Variants in ATXN10 observed in about 807,000 individuals in gnomAD.
The protein encoded by ATXN10 is ataxin 10.
In ATXN10, 28 loss-of-function variants were observed where a neutral mutation model predicts 52.9. That is an observed-to-expected ratio of 0.53 (90% CI 0.39 to 0.73). The LOEUF is 0.73. Among genes scored for constraint, ATXN10 ranks in the 30% least tolerant of loss-of-function variants. ATXN10 has a pLI of 0.00. For missense variants in ATXN10, 565 were observed against 577.0 expected, an observed-to-expected ratio of 0.98 and a Z score of 0.21; for synonymous variants, 226 against 221.5, an observed-to-expected ratio of 1.02 and a Z score of -0.18.
In ATXN10 at chr22:45,826,843, A is replaced by G. The variant is rs534421882; in HGVS notation, c.1238-16148A>G. On this transcript the variant is annotated intron_variant, in intron 10 of 11. Coordinates refer to ENST00000252934, the MANE Select transcript of ATXN10 (RefSeq NM_013236.4). The surrounding 1 kb of genome is among the most constrained non-coding windows in gnomAD (Gnocchi z 5.0). ...CAGACAGTAACTTGATGCTATATGAAGAAATAAAGATCTCAATAGAGATAA... is the reference window on the plus strand; with the variant it reads ...CAGACAGTAACTTGATGCTATATGAGGAAATAAAGATCTCAATAGAGATAA... Among the ~76,000 whole-genome samples the G allele has an allele frequency of 2.6e-5, 4 of 152,368 alleles. No individual in the cohort carries two copies. The South Asian group carries it at 8.3e-4, about 32-fold the overall frequency.
chr22:45,740,823 G>C (rs910397856), intron 9 of ATXN10: 10 of 184,200 alleles, frequency 5.4e-5, no homozygotes, highest in Admixed American at 4.1e-4. Flanking sequence ...ACACACAGTA[G>C]ATATTTAATA....
At position 45,729,516 on chromosome 22, in the gene ATXN10, T is replaced by G; in HGVS notation, c.820T>G (p.Leu274Val). The change falls in exon 7 of 12, where the codon TTG becomes GTG. Residue 274 changes from leucine (L) to valine (V), a missense_variant. Coordinates refer to ENST00000252934, the MANE Select transcript of ATXN10 (RefSeq NM_013236.4). ...CCCTGTGTTTTTGCGGCATGCTGAG[T>G]TGATTGCAAGCACCTTTGTGGATCA... ...DIPVFLRHAELIASTFVDQCK... is the reference protein window; with the variant it reads ...DIPVFLRHAEVIASTFVDQCK... 1 of 1,614,130 alleles carries G rather than the reference T, an allele frequency of 6.2e-7. No homozygotes were observed. Among genetic ancestry groups the G allele is most frequent in the Non-Finnish European group, 8.5e-7 (1 of 1,180,024 alleles).
rs532159630 is a variant in ATXN10 at position 45,833,062 on chromosome 22, C to T, written c.1238-9929C>T. 3.3e-5 allele frequency among the ~76,000 whole-genome samples: 5 copies of T among 152,292 alleles called. No individual in the cohort carries two copies. Among genetic ancestry groups the T allele is most frequent in the African/African-American group, 9.6e-5 (4 of 41,562 alleles). On this transcript the variant is annotated intron_variant, in intron 10 of 11. Coordinates refer to ENST00000252934, the MANE Select transcript of ATXN10 (RefSeq NM_013236.4). The surrounding 1 kb of genome is among the most constrained non-coding windows in gnomAD (Gnocchi z 4.3). ...AGGACAAATTAGAATTAGAGATCTC[C>T]TTGTTGAAAGAAATCAATCAGACTG...
At chr22:45,810,119 T>C (rs1043712495) in intron 10 of ATXN10, among the ~76,000 whole-genome samples, 3 of 152,224 alleles carry the variant, frequency 2.0e-5, no homozygotes, top group African/African-American at 7.2e-5. Flanking sequence ...TTAGGATCTA[T>C]TTCTATTCTC....
At chr22:45,752,294 A>G (rs553807896) in intron 9 of ATXN10, among the ~76,000 whole-genome samples, 21 of 152,254 alleles carry the variant, frequency 1.4e-4, no homozygotes, top group Non-Finnish European at 2.5e-4. Flanking sequence ...AAAGAAGGAG[A>G]CAGATGTAGA....
chr22:45,718,637 T>C lies in ATXN10; in HGVS notation c.728+144T>C. ...TGTGTTGGTAATGGTTTTAAATTGG[T>C]TGGTTAACATTACAGCTTAGCCACA... is the stretch of plus-strand genomic sequence containing the variant. On this transcript the variant is annotated intron_variant, in intron 6 of 11. Coordinates refer to ENST00000252934, the MANE Select transcript of ATXN10 (RefSeq NM_013236.4). This position sits in a 1 kb window ranked among gnomAD's most constrained non-coding sequence, Gnocchi z 4.4. The C allele has an allele frequency of 2.5e-6, 2 of 811,930 alleles. No individual in the cohort carries two copies. Among genetic ancestry groups the C allele is most frequent in the Non-Finnish European group, 4.2e-6 (2 of 474,840 alleles). 50.3% of individuals were successfully genotyped at this position (811,930 alleles called of 1,614,324 possible). A position where few individuals can be genotyped will look rare whatever the true frequency, so the allele number is the denominator to read the frequency against.
rs548308439 is a variant in ATXN10 at position 45,769,227 on chromosome 22, A to C, written c.1173+28689A>C. Among the ~76,000 whole-genome samples, 1 of 152,270 alleles carries C rather than the reference A, an allele frequency of 6.6e-6. No homozygotes were observed. Among genetic ancestry groups the C allele is most frequent in the African/African-American group, 2.4e-5 (1 of 41,556 alleles). ...GCTCTTGGTGGGTAGGGGACTCATC[A>C]TGGAATCTGAAAGGCAGCTTTATCA... On this transcript the variant is annotated intron_variant, in intron 9 of 11. Transcript: ENST00000252934. The surrounding 1 kb of genome is among the most constrained non-coding windows in gnomAD (Gnocchi z 4.2).
In ATXN10 at chr22:45,732,586, T is replaced by A. The variant is rs1925131458; in HGVS notation, c.894+2996T>A. On this transcript the variant is annotated intron_variant, in intron 7 of 11. Coordinates refer to ENST00000252934, the MANE Select transcript of ATXN10 (RefSeq NM_013236.4). This position sits in a 1 kb window ranked among gnomAD's most constrained non-coding sequence, Gnocchi z 4.5. The stretch of plus-strand genomic sequence containing the variant: ...CACATATGTCATACTTTTTTTTTTT[T>A]TTTAAAAGAGGACCACTTTGCCAGT... Among the ~76,000 whole-genome samples the A allele has an allele frequency of 6.6e-6, 1 of 152,200 alleles. No homozygotes were observed. The highest frequency in any genetic ancestry group is 2.4e-5 in the African/African-American group (1 of 41,450).
Position 45,772,386 on chromosome 22 carries a change from A to G in ATXN10, c.1173+31848A>G, listed in dbSNP as rs1032446069. On this transcript the variant is annotated intron_variant, in intron 9 of 11. Transcript: ENST00000252934. This position sits in a 1 kb window ranked among gnomAD's most constrained non-coding sequence, Gnocchi z 4.1. The stretch of plus-strand genomic sequence containing the variant: ...CCTTTGTCAAAGATCAAATGGCCCA[A>G]TTTGTGTGGGTCTGTTTCCAGATAT... 6.6e-6 allele frequency among the ~76,000 whole-genome samples: 1 copy of G among 152,158 alleles called. No homozygotes were observed. Among genetic ancestry groups the G allele is most frequent in the African/African-American group, 2.4e-5 (1 of 41,430 alleles).
intron 9 of ATXN10, among the ~76,000 whole-genome samples, chr22:45,768,395 A>G (rs949244479): frequency 2.6e-5 from 4 of 152,328 alleles, no homozygotes; most frequent in African/African-American, 9.6e-5. Context: ...GAAAAAAAAA[A>G]ATGCAGTGGA....
In ATXN10 at chr22:45,781,579, T is replaced by C. The variant is rs1390171327; in HGVS notation, c.1174-25380T>C. On this transcript the variant is annotated intron_variant, in intron 9 of 11. Coordinates refer to ENST00000252934, the MANE Select transcript of ATXN10 (RefSeq NM_013236.4). The surrounding 1 kb of genome is among the most constrained non-coding windows in gnomAD (Gnocchi z 4.2). ...TAGAGTACAATTTAAAATCATGGGT[T>C]ACACTAAGGACCAGGAAAATCTTAG... Among the ~76,000 whole-genome samples, 1 of 152,220 alleles carries C rather than the reference T, an allele frequency of 6.6e-6. No individual in the cohort carries two copies. Among genetic ancestry groups the C allele is most frequent in the Admixed American group, 6.5e-5 (1 of 15,276 alleles).
chr22:45,764,918 C>G (rs1926529715), intron 9 of ATXN10, among the ~76,000 whole-genome samples: 1 of 152,120 alleles, frequency 6.6e-6, no homozygotes, highest in Admixed American at 6.5e-5. Flanking sequence ...TTATTCTGAA[C>G]CTTTTCACAT....
intron 6 of ATXN10, among the ~76,000 whole-genome samples, chr22:45,721,630 G>A (rs192672926): frequency 1.2e-3 from 178 of 152,286 alleles, no homozygotes; most frequent in African/African-American, 4.0e-3. Context: ...GCAACTACAA[G>A]TCTAACAACT....
chr22:45,693,646 T>G (rs1381865993), intron 3 of ATXN10, among the ~76,000 whole-genome samples: 3 of 152,184 alleles, frequency 2.0e-5, no homozygotes, highest in South Asian at 4.1e-4. Flanking sequence ...GCACAGATAT[T>G]CAGATCATAG....
intron 10 of ATXN10, among the ~76,000 whole-genome samples, chr22:45,834,028 A>C (rs1429040355): frequency 6.6e-6 from 1 of 152,228 alleles, no homozygotes; most frequent in Admixed American, 6.5e-5. Flanking sequence ...AGAGTTTGTG[A>C]GGATTGAATG....
chr22:45,714,519 C>T (rs561000259), intron 5 of ATXN10, among the ~76,000 whole-genome samples: 1 of 151,918 alleles, frequency 6.6e-6, no homozygotes, highest in South Asian at 2.1e-4. Flanking sequence ...AAGCTGGGAT[C>T]GCAGGTGCAT....
Position 45,804,931 on chromosome 22 carries a change from A to C in ATXN10, c.1174-2028A>C, listed in dbSNP as rs1928049956. ...TTTATCACACACAAGATTCTCATATAAGGCTATTAACATGTTGTAATCTGG... is the reference window on the plus strand; with the variant it reads ...TTTATCACACACAAGATTCTCATATCAGGCTATTAACATGTTGTAATCTGG... On this transcript the variant is annotated intron_variant, in intron 9 of 11. Transcript: ENST00000252934. Among the ~76,000 whole-genome samples the C allele has an allele frequency of 2.0e-5, 3 of 152,300 alleles. No individual in the cohort carries two copies. The South Asian group carries it at 6.2e-4, about 32-fold the overall frequency.
intron 10 of ATXN10, among the ~76,000 whole-genome samples, chr22:45,821,813 T>C (rs1435837540): frequency 6.6e-6 from 1 of 152,234 alleles, no homozygotes; most frequent in Non-Finnish European, 1.5e-5. Flanking sequence ...TAAAACTTCT[T>C]GTTTTTATTT....
chr22:45,808,322 A>G (rs1447462073), intron 10 of ATXN10, among the ~76,000 whole-genome samples: 1 of 152,258 alleles, frequency 6.6e-6, no homozygotes, highest in African/African-American at 2.4e-5. Context: ...ATGATTTATT[A>G]TGAAAAAAGA....
Sources: allele counts gnomAD v4.1 joint callset (sites outside exome capture counted in the v4.1 genomes callset), GRCh38; gene constraint gnomAD v4.1.1; non-coding constraint Gnocchi (gnomAD v3.1); transcripts MANE v1.5; gene names NCBI Gene and HGNC (gene_info 2026-07-23, HGNC 2026-07-21).